The following COL27A1 variants were observed in gnomAD, a reference collection of about 807,000 sequenced individuals.
COL27A1 encodes the protein collagen type XXVII alpha 1 chain, also known as collagen alpha-1(XXVII) chain.
COL27A1 carries 106 observed loss-of-function variants against 251.3 expected under a neutral mutation model. That is an observed-to-expected ratio of 0.42 (90% confidence interval 0.36 to 0.50). COL27A1 has a LOEUF of 0.50. COL27A1 is among the 20% of genes least tolerant of loss of function. COL27A1 has a pLI of 0.00. For synonymous variants in COL27A1, 1,000 were observed against 986.3 expected, an observed-to-expected ratio of 1.01 and a Z score of -0.26; for missense variants, 2,325 against 2,522.8, an observed-to-expected ratio of 0.92 and a Z score of 1.68.
intron 37 of COL27A1, among the ~76,000 whole-genome samples, chr9:114,279,478 A>G (rs1835773754): frequency 3.3e-5 from 5 of 152,194 alleles, no homozygotes; most frequent in Admixed American, 3.3e-4. Flanking sequence ...AATACAAGCC[A>G]TATACAAGCC....
At chr9:114,258,412 C>A in intron 27 of COL27A1, 129 bp from the exon 28 acceptor site, 1 of 874,402 alleles carries the variant, frequency 1.1e-6, no homozygotes, top group Non-Finnish European at 1.8e-6. Context: ...GCTGCTGGGG[C>A]CCCGGCAGCT....
chr9:114,309,459 T>C lies in COL27A1; in HGVS notation c.5417T>C (p.Val1806Ala). 1 of 1,613,680 alleles carries C rather than the reference T, an allele frequency of 6.2e-7. No homozygotes were observed. Among genetic ancestry groups the C allele is most frequent in the Non-Finnish European group, 8.5e-7 (1 of 1,179,896 alleles). Residue 1806 changes from valine to alanine, a missense_variant, in exon 60 of 61, where the codon GTG becomes GCG. Physicochemically the swap from Val to Ala is moderately conservative, Grantham distance 64 (BLOSUM62 0). This residue lies in a region of COL27A1 where 327 missense variants were observed against 442.8 expected (regional missense o/e 0.74). Transcript: ENST00000356083. Reference sequence around the variant, plus strand: ...GCTGGGGGTCAGTTCCGGCCCGAGGTGTCCATGGATGGCTGCAAGGTAACT... The same window carrying C: ...GCTGGGGGTCAGTTCCGGCCCGAGGCGTCCATGGATGGCTGCAAGGTAACT... The part of the protein sequence containing the change: ...FEAGGQFRPE[V>A]SMDGCKVQDG...
At chr9:114,288,820 T>C in intron 43 of COL27A1, 65 bp downstream of exon 43, 1 of 1,603,384 alleles carries the variant, frequency 6.2e-7, no homozygotes, top group South Asian at 1.1e-5. Flanking sequence ...GGATGACACA[T>C]GTCTAGAAAG....
chr9:114,292,520 C>G (rs1827995790), intron 49 of COL27A1, among the ~76,000 whole-genome samples: 1 of 152,196 alleles, frequency 6.6e-6, no homozygotes, highest in South Asian at 2.1e-4. Flanking sequence ...GCCTCACTGC[C>G]TTCATCCCCC....
chr9:114,255,362 C>T (rs1490751363), intron 27 of COL27A1, among the ~76,000 whole-genome samples: 1 of 152,122 alleles, frequency 6.6e-6, no homozygotes, highest in African/African-American at 2.4e-5. Context: ...CAGAGTAGGG[C>T]CGAAGCCTGA....
Position 114,290,711 on chromosome 9 carries a change from C to A in COL27A1, c.4369-99C>A. 1 of 885,258 alleles carries A rather than the reference C, an allele frequency of 1.1e-6. No homozygotes were observed. The highest frequency in any genetic ancestry group is 1.7e-6 in the Non-Finnish European group (1 of 578,182). The allele number at this position is 885,258 out of a possible 1,614,324, so 54.8% of individuals were successfully genotyped here. A position where few individuals can be genotyped will look rare whatever the true frequency, so the allele number is the denominator to read the frequency against. On this transcript the variant is annotated intron_variant, in intron 47 of 60. Coordinates refer to ENST00000356083, the MANE Select transcript of COL27A1 (RefSeq NM_032888.4). This position sits in a 1 kb window ranked among gnomAD's most constrained non-coding sequence, Gnocchi z 4.6. Reference sequence around the variant, plus strand: ...CTCCATCCTGGAGTGTGACCCCTTCCTCCAGCTTCACCCAGGGTTTGCCCA... The same window carrying A: ...CTCCATCCTGGAGTGTGACCCCTTCATCCAGCTTCACCCAGGGTTTGCCCA...
intron 2 of COL27A1, among the ~76,000 whole-genome samples, chr9:114,165,046 G>A (rs1166024651): frequency 6.6e-6 from 1 of 152,204 alleles, no homozygotes; most frequent in Non-Finnish European, 1.5e-5. Flanking sequence ...CACTTAAGCA[G>A]AGTTACTCAA....
Position 114,275,773 on chromosome 9 carries a change from G to A in COL27A1, c.3717+5G>A. ...CCTGGCGTCACTGGTGTCCGGGTGAGTGTGCAGGCCCCTTGCAGCGCCTGG... is the reference window on the plus strand; with the variant it reads ...CCTGGCGTCACTGGTGTCCGGGTGAATGTGCAGGCCCCTTGCAGCGCCTGG... On this transcript the variant is annotated splice_donor_5th_base_variant and intron_variant, in intron 37 of 60. Coordinates refer to ENST00000356083, the MANE Select transcript of COL27A1 (RefSeq NM_032888.4). The A allele has an allele frequency of 3.3e-6, 5 of 1,533,900 alleles. No individual in the cohort carries two copies. Among genetic ancestry groups the A allele is most frequent in the Non-Finnish European group, 4.4e-6 (5 of 1,135,190 alleles).
At chr9:114,240,793 G>C (rs776609379) in intron 21 of COL27A1, among the ~76,000 whole-genome samples, 10 of 152,260 alleles carry the variant, frequency 6.6e-5, no homozygotes, top group Non-Finnish European at 1.2e-4. Context: ...CGTGGTAGCA[G>C]TTTATCAGGG....
Position 114,237,621 on chromosome 9 carries a change from G to A in COL27A1, c.2674-41G>A, listed in dbSNP as rs201113491. On this transcript the variant is annotated intron_variant, in intron 18 of 60. Coordinates refer to ENST00000356083, the MANE Select transcript of COL27A1 (RefSeq NM_032888.4). ...ACGCAGGGGGTTCATGGAAGGTGGG[G>A]TCCTCACCCCTGCCTCCCTGCAACC... is the stretch of plus-strand genomic sequence containing the variant. 190 of 1,560,232 alleles carry A rather than the reference G, an allele frequency of 1.2e-4. No individual in the cohort carries two copies. The East Asian group carries it at 3.4e-3, about 28-fold the overall frequency.
At chr9:114,253,281 G>GAGACAGAGAA (rs1190511674) in intron 27 of COL27A1, among the ~76,000 whole-genome samples, 8 of 114,376 alleles carry the variant, frequency 7.0e-5, no homozygotes, top group African/African-American at 3.1e-4. Flanking sequence ...GGAAAAGAAA[G>GAGACAGAGAA]AAAGAGACAG....
Position 114,269,254 on chromosome 9 carries a change from C to T in COL27A1, c.3515C>T (p.Pro1172Leu), listed in dbSNP as rs1209110286. ...GGCTTCTCCTAGGGTGACCTTGGAC[C>T]CCTGGGCACTCCTGGGGAGCAGGGC... Reference protein sequence around the residue: ...GEAGMKGDLGPLGTPGEQGLI... With the variant: ...GEAGMKGDLGLLGTPGEQGLI... Residue 1172 changes from proline to leucine, a missense_variant, in exon 35 of 61, where the codon CCC (proline) becomes CTC (leucine). Pro to Leu is a moderately conservative substitution (Grantham distance 98). Coordinates refer to ENST00000356083, the MANE Select transcript of COL27A1 (RefSeq NM_032888.4). 5 of 1,604,110 alleles carry T rather than the reference C, an allele frequency of 3.1e-6. No individual in the cohort carries two copies. The highest frequency in any genetic ancestry group is 4.3e-6 in the Non-Finnish European group (5 of 1,174,758).
At chr9:114,278,452 C>A (rs76425414) in intron 37 of COL27A1, among the ~76,000 whole-genome samples, 57 of 69,296 alleles carry the variant, frequency 8.2e-4, no homozygotes, top group African/African-American at 8.4e-4. Flanking sequence ...TGATGGGGCA[C>A]TGATGATGGT....
intron 1 of COL27A1, among the ~76,000 whole-genome samples, chr9:114,156,801 AAGAG>A (rs1480875545): frequency 6.6e-6 from 1 of 151,934 alleles, no homozygotes; most frequent in Non-Finnish European, 1.5e-5. Context: ...TAGGAGTTGT[AAGAG>A]AGAGTGAGCC....
chr9:114,228,393 C>A (rs182074446), intron 14 of COL27A1, among the ~76,000 whole-genome samples: 324 of 152,346 alleles, frequency 2.1e-3, no homozygotes, highest in Non-Finnish European at 3.7e-3. Context: ...GAACTCTGGG[C>A]GGGCCACCCT....
rs3810933 is a variant in COL27A1, at chr9:114,209,396, C to T, written c.2269-279C>T. The T allele has an allele frequency of 6.7e-4, 482 of 718,414 alleles. 3 individuals are homozygous for T. The East Asian group carries it at 0.012, about 18-fold the overall frequency. 44.5% of individuals were successfully genotyped at this position (718,414 alleles called of 1,614,324 possible). The stretch of plus-strand genomic sequence containing the variant: ...CCTTCTGCAGGTCCTGGAGCCCTGG[C>T]GTGGGGCGGGCCTCCTGCCGGCGAG... On this transcript the variant is annotated intron_variant, in intron 10 of 60. Coordinates refer to ENST00000356083, the MANE Select transcript of COL27A1 (RefSeq NM_032888.4).
rs200928771 is a variant in COL27A1, at chr9:114,282,317, G to A, written c.3758G>A (p.Arg1253His). The stretch of plus-strand genomic sequence containing the variant: ...TCAGGGAAGCAAGGCGAGAAGGGCC[G>A]CACTGGAGCCAAGGTAGGTGTCCCC... Reference protein sequence around the residue: ...GKSGKQGEKGRTGAKGAKGYQ... With the variant: ...GKSGKQGEKGHTGAKGAKGYQ... The change falls in exon 38 of 61, where the codon CGC becomes CAC. Residue 1253 changes from arginine to histidine, a missense_variant. Around this residue, in one of 4 missense-constraint regions of COL27A1, gnomAD observed 662 missense variants for 795.3 expected, o/e 0.83. Transcript: ENST00000356083. The A allele has an allele frequency of 7.0e-4, 1,125 of 1,613,972 alleles. 12 individuals are homozygous for A. In the South Asian group the frequency reaches 0.011, roughly 16 times the overall value.
chr9:114,224,519 G>T (rs1459938513), intron 14 of COL27A1, among the ~76,000 whole-genome samples: 2 of 152,074 alleles, frequency 1.3e-5, no homozygotes, highest in Non-Finnish European at 2.9e-5. Context: ...TGTCATCCTT[G>T]GCACATGTTC....
chr9:114,287,939 C>T (rs1827625961), intron 41 of COL27A1, among the ~76,000 whole-genome samples: 1 of 152,076 alleles, frequency 6.6e-6, no homozygotes. Context: ...TGTCATGAGT[C>T]TGCCTGTGAC....
Sources: gnomAD v4.1 joint callset for allele counts (sites outside exome capture counted in the v4.1 genomes callset) on GRCh38, gnomAD v4.1.1 for gene constraint, gnomAD v4.1.1 regional missense constraint, Gnocchi (gnomAD v3.1) non-coding constraint, MANE v1.5 for transcripts, NCBI Gene and HGNC (gene_info 2026-07-23, HGNC 2026-07-21) for gene names.